The following SLC5A11 variants were observed in gnomAD, a reference collection of about 807,000 sequenced individuals.
SLC5A11 encodes the protein solute carrier family 5 member 11, also known as sodium/myo-inositol cotransporter 2.
A neutral mutation model predicts 69.8 loss-of-function variants in SLC5A11; 48 were observed. The observed-to-expected ratio is 0.69, with a 90% confidence interval of 0.55 to 0.87. The LOEUF (loss-of-function observed/expected upper bound fraction) is 0.87. SLC5A11 is among the 40% of genes least tolerant of loss of function. SLC5A11 has a pLI of 0.00. For synonymous variants in SLC5A11, 319 were observed against 342.4 expected, an observed-to-expected ratio of 0.93 and a Z score of 0.75; for missense variants, 784 against 866.1, an observed-to-expected ratio of 0.91 and a Z score of 1.19.
chr16:24,858,124 C>T (rs1487550201), intron 1 of SLC5A11, among the ~76,000 whole-genome samples: 2 of 151,864 alleles, frequency 1.3e-5, no homozygotes, highest in African/African-American at 4.8e-5. Context: ...AGAATGATGC[C>T]CAGGATATAG....
At chr16:24,849,593 A>AAAAAAAAAAAAATATATATATATATATAT in intron 1 of SLC5A11, among the ~76,000 whole-genome samples, 1 of 35,916 alleles carries the variant, frequency 2.8e-5, no homozygotes. Flanking sequence ...AAAAAAAAAA[A>AAAAAAAAAAAAATATATATATATATATAT]ATATATATAT....
At chr16:24,881,161 G>A (rs113461410) in intron 7 of SLC5A11, among the ~76,000 whole-genome samples, 14 of 151,314 alleles carry the variant, frequency 9.3e-5, no homozygotes, top group African/African-American at 2.7e-4. Context: ...ATCTGAGATC[G>A]TGCCACTGCA....
At chr16:24,873,355 G>C (rs2047458561) in intron 5 of SLC5A11, among the ~76,000 whole-genome samples, 1 of 151,914 alleles carries the variant, frequency 6.6e-6, no homozygotes. Context: ...TGCTGGCTGG[G>C]CACAGTGGCT....
intron 9 of SLC5A11, among the ~76,000 whole-genome samples, chr16:24,894,189 T>A (rs1597226939): frequency 6.6e-6 from 1 of 152,104 alleles, no homozygotes; most frequent in Non-Finnish European, 1.5e-5. Flanking sequence ...TTTAAATCGC[T>A]CCATTGACTC....
chr16:24,880,194 C>T (rs762192914), intron 7 of SLC5A11, among the ~76,000 whole-genome samples: 18 of 152,068 alleles, frequency 1.2e-4, no homozygotes, highest in Non-Finnish European at 2.4e-4. Flanking sequence ...TTAATTGACT[C>T]ACAGTTCCAC....
intron 9 of SLC5A11, among the ~76,000 whole-genome samples, chr16:24,891,512 G>A (rs889426664): frequency 2.6e-5 from 4 of 151,786 alleles, no homozygotes; most frequent in African/African-American, 9.7e-5. Flanking sequence ...TAGTAGAGAT[G>A]CAGGTCTCAC....
intron 3 of SLC5A11, among the ~76,000 whole-genome samples, chr16:24,868,138 A>G (rs935888377): frequency 1.4e-4 from 20 of 146,524 alleles, no homozygotes; most frequent in African/African-American, 4.5e-4. Context: ...CTCCATTTCA[A>G]AAAAAAAAAA....
chr16:24,884,039 T>A lies in SLC5A11; in HGVS notation c.584-12T>A. On this transcript the variant is annotated splice_polypyrimidine_tract_variant and intron_variant, in intron 7 of 15. Coordinates refer to ENST00000347898, the Ensembl canonical transcript of SLC5A11. ...GACTCCCTGACCCTCACCTCCGTGC[T>A]CATCCCACCAGGTGGCCTGGCTGCT... 1 of 1,613,554 alleles carries A rather than the reference T, an allele frequency of 6.2e-7. No individual in the cohort carries two copies. Among genetic ancestry groups the A allele is most frequent in the Non-Finnish European group, 8.5e-7 (1 of 1,179,612 alleles).
intron 11 of SLC5A11, 100 bp from the exon 13 acceptor site, chr16:24,906,925 G>T: frequency 6.6e-7 from 1 of 1,513,568 alleles, no homozygotes; most frequent in Non-Finnish European, 9.0e-7. Flanking sequence ...GCTCTGCCCC[G>T]CCGTCCTCCC....
intron 5 of SLC5A11, among the ~76,000 whole-genome samples, chr16:24,875,124 C>T (rs902906627): frequency 1.3e-5 from 2 of 152,144 alleles, no homozygotes; most frequent in African/African-American, 4.8e-5. Context: ...CAGGTGTAAG[C>T]CATCGTGCAT....
At chr16:24,850,317 T>C (rs1190543915) in intron 1 of SLC5A11, among the ~76,000 whole-genome samples, 1 of 152,150 alleles carries the variant, frequency 6.6e-6, no homozygotes, top group East Asian at 1.9e-4. Flanking sequence ...CATCAACGGG[T>C]GGAGGAGGCC....
chr16:24,856,595 T>TAAAAA (rs2059542337), intron 1 of SLC5A11, among the ~76,000 whole-genome samples: 1 of 18,584 alleles, frequency 5.4e-5, no homozygotes, highest in Non-Finnish European at 1.0e-4. Flanking sequence ...CTACTAAAAA[T>TAAAAA]ACAAAAAAAA....
intron 1 of SLC5A11, chr16:24,846,759 C>T (rs1183522986): frequency 6.6e-6 from 1 of 152,214 alleles, no homozygotes; most frequent in Non-Finnish European, 1.5e-5. Context: ...GGAATATGAA[C>T]CTCAGGCTGA....
chr16:24,871,287 T>C (rs936717161), intron 4 of SLC5A11, among the ~76,000 whole-genome samples: 1 of 152,138 alleles, frequency 6.6e-6, no homozygotes. Flanking sequence ...GTTTTGTTTT[T>C]TGAGACAGGG....
chr16:24,853,254 A>G (rs948353060), intron 1 of SLC5A11, among the ~76,000 whole-genome samples: 2 of 143,734 alleles, frequency 1.4e-5, no homozygotes, highest in Non-Finnish European at 3.0e-5. Flanking sequence ...CTGAGTCCCC[A>G]GGGCCTAGTA....
intron 5 of SLC5A11, among the ~76,000 whole-genome samples, chr16:24,874,239 G>A (rs771040982): frequency 5.3e-5 from 8 of 152,192 alleles, no homozygotes; most frequent in Non-Finnish European, 1.0e-4. Flanking sequence ...TTGTGCATGG[G>A]CGTTTAAGTT....
chr16:24,891,169 C>T, intron 9 of SLC5A11, 95 bp downstream of exon 10: 1 of 1,244,792 alleles, frequency 8.0e-7, no homozygotes, highest in East Asian at 2.3e-5. Context: ...CATCTCTTCT[C>T]TCATTTGCGT....
At chr16:24,860,945 G>C (rs1466914513) in intron 2 of SLC5A11, among the ~76,000 whole-genome samples, 1 of 152,038 alleles carries the variant, frequency 6.6e-6, no homozygotes, top group Admixed American at 6.6e-5. Flanking sequence ...CTGACCTCGT[G>C]ATCCGCCTGC....
chr16:24,870,357 C>T (rs937005343), intron 4 of SLC5A11, among the ~76,000 whole-genome samples: 15 of 151,810 alleles, frequency 9.9e-5, no homozygotes, highest in African/African-American at 3.6e-4. Flanking sequence ...TGCACTACTG[C>T]GCGCCAGCCT....
Sources: allele counts gnomAD v4.1 joint callset (sites outside exome capture counted in the v4.1 genomes callset), GRCh38; gene constraint gnomAD v4.1.1; transcripts MANE v1.5; gene names NCBI Gene and HGNC (gene_info 2026-07-23, HGNC 2026-07-21).